The following SPOCK1 variants were observed in gnomAD, a reference collection of about 807,000 sequenced individuals.
SPOCK1 encodes testican-1.
A neutral mutation model predicts 55.3 loss-of-function variants in SPOCK1; 23 were observed. The ratio of observed to expected loss-of-function variants is 0.42; its 90% CI spans 0.30 to 0.59. SPOCK1 has a LOEUF of 0.59. Ranked by LOEUF, SPOCK1 falls within the 20% of genes least tolerant of loss-of-function variation. SPOCK1 has a pLI of 0.22. For missense variants in SPOCK1, 499 were observed against 552.5 expected (o/e 0.90, Z 0.97); for synonymous variants, 226 against 221.0 (o/e 1.02, Z -0.20).
intron 2 of SPOCK1, among the ~76,000 whole-genome samples, chr5:137,352,564 A>G (rs1580880970): frequency 6.6e-6 from 1 of 152,188 alleles, no homozygotes; most frequent in African/African-American, 2.4e-5. Flanking sequence ...GAGCTAGTAG[A>G]GTGCCTGGCA....
chr5:137,122,550 G>C (rs1264197463), intron 4 of SPOCK1, among the ~76,000 whole-genome samples: 1 of 152,150 alleles, frequency 6.6e-6, no homozygotes, highest in Non-Finnish European at 1.5e-5. Flanking sequence ...GCCCATTAAA[G>C]AGAGGTCCAT....
At position 136,978,718 on chromosome 5, in the gene SPOCK1, G is replaced by A. The variant is rs1454762975; in HGVS notation, c.1256C>T (p.Ala419Val). ...KEGKLRVHTR[A>V]VTEDDEDEDD... ...CTCATCCTCATCATCCTCTGTCACG[G>A]CTCGGGTGTGCACCCTCAGCTTCCC... Residue 419 changes from alanine (A) to valine (V), a missense_variant, in exon 11 of 11, where the codon GCC becomes GTC. Around this residue, in one of 3 missense-constraint regions of SPOCK1, gnomAD observed 83 missense variants for 87.5 expected, o/e 0.95. Transcript: ENST00000394945. 1 of 1,613,912 alleles carries A rather than the reference G, an allele frequency of 6.2e-7. No individual in the cohort carries two copies. Among genetic ancestry groups the A allele is most frequent in the East Asian group, 2.2e-5 (1 of 44,866 alleles).
intron 2 of SPOCK1, among the ~76,000 whole-genome samples, chr5:137,456,105 G>C (rs1753361437): frequency 6.6e-6 from 1 of 152,106 alleles, no homozygotes; most frequent in Non-Finnish European, 1.5e-5. Flanking sequence ...AAAGAATTCA[G>C]AGACTAATTT....
intron 2 of SPOCK1, among the ~76,000 whole-genome samples, chr5:137,378,339 A>G (rs1224685886): frequency 6.6e-6 from 1 of 152,250 alleles, no homozygotes; most frequent in Non-Finnish European, 1.5e-5. Flanking sequence ...TAGAAGAAGA[A>G]TGAAGAGAAC....
intron 2 of SPOCK1, among the ~76,000 whole-genome samples, chr5:137,423,732 G>T (rs866525026): frequency 1.3e-5 from 2 of 152,286 alleles, no homozygotes; most frequent in African/African-American, 2.4e-5. Flanking sequence ...TGTACTTCCC[G>T]GGTAAGGCGA....
In SPOCK1 at chr5:137,068,591, G is replaced by C. The variant is rs60487140; in HGVS notation, c.475-762C>G. Among the ~76,000 whole-genome samples, 118 of 152,316 alleles carry C rather than the reference G, an allele frequency of 7.7e-4. No individual in the cohort carries two copies. The East Asian group carries it at 0.019, about 24-fold the overall frequency. On this transcript the variant is annotated intron_variant, in intron 5 of 10. Transcript: ENST00000394945. The stretch of plus-strand genomic sequence containing the variant: ...GAATTCTCAGAACACAGGCAGGAGA[G>C]AGGAATGTTATTAATAGGTGCAAAA...
intron 4 of SPOCK1, among the ~76,000 whole-genome samples, chr5:137,124,981 T>C (rs1470050980): frequency 1.3e-5 from 2 of 152,210 alleles, no homozygotes; most frequent in African/African-American, 4.8e-5. Context: ...GGGAGTTTCA[T>C]AGACACATTC....
rs184244971 is a variant in SPOCK1, at chr5:137,399,991, C to T, written c.186+98382G>A. ...CTTGCTATCTCTGAGGTCAACATTTCCTGAAAATAAACAGAATTGCTATTT... is the reference window on the plus strand; with the variant it reads ...CTTGCTATCTCTGAGGTCAACATTTTCTGAAAATAAACAGAATTGCTATTT... On this transcript the variant is annotated intron_variant, in intron 2 of 10. Transcript: ENST00000394945. Among the ~76,000 whole-genome samples the T allele has an allele frequency of 9.3e-4, 141 of 152,212 alleles. 1 individual carries two copies. The highest frequency in any genetic ancestry group is 2.5e-3 in the Admixed American group (38 of 15,282).
intron 6 of SPOCK1, among the ~76,000 whole-genome samples, chr5:137,024,321 G>GGGT (rs537253952): frequency 5.5e-5 from 8 of 146,646 alleles, no homozygotes; most frequent in East Asian, 2.1e-4. Flanking sequence ...TGAAGGGGGG[G>GGGT]GGGTAGTTAC....
rs139049723 is a variant in SPOCK1, at chr5:137,323,558, G to GA, written c.187-56504dup. 4.0e-3 allele frequency among the ~76,000 whole-genome samples: 585 copies of GA among 145,006 alleles called. 10 individuals are homozygous for GA. The highest frequency in any genetic ancestry group is 0.014 in the Middle Eastern group (4 of 284). On this transcript the variant is annotated intron_variant, in intron 2 of 10. Transcript: ENST00000394945. ...ACATGACATGGGCTCAACAGAAGGG[G>GA]AAAAAAAAAATAACAAGCCATACTT... is the stretch of plus-strand genomic sequence containing the variant.
intron 5 of SPOCK1, among the ~76,000 whole-genome samples, chr5:137,102,905 CGTT>C (rs754361337): frequency 2.6e-5 from 4 of 152,020 alleles, no homozygotes; most frequent in African/African-American, 7.2e-5. Context: ...GTTTTTCTGT[CGTT>C]ATTATTATTT....
At chr5:137,052,711 A>G (rs1263626277) in intron 6 of SPOCK1, among the ~76,000 whole-genome samples, 1 of 152,220 alleles carries the variant, frequency 6.6e-6, no homozygotes, top group Non-Finnish European at 1.5e-5. Flanking sequence ...ATCAGTTTTT[A>G]AAAGAATAAT....
At chr5:137,172,711 C>A (rs1405830265) in intron 3 of SPOCK1, among the ~76,000 whole-genome samples, 1 of 152,112 alleles carries the variant, frequency 6.6e-6, no homozygotes, top group Non-Finnish European at 1.5e-5. Flanking sequence ...TAATACACTC[C>A]TTACCCCAGG....
chr5:137,164,459 A>C (rs6859738), intron 3 of SPOCK1, among the ~76,000 whole-genome samples: 25,234 of 152,134 alleles, frequency 0.17, 2,216 homozygotes, highest in East Asian at 0.33. Flanking sequence ...GTAGCTCACT[A>C]TGGGCCTTAG....
At chr5:137,466,092 A>G (rs1753614781) in intron 2 of SPOCK1, among the ~76,000 whole-genome samples, 1 of 152,250 alleles carries the variant, frequency 6.6e-6, no homozygotes, top group African/African-American at 2.4e-5. Context: ...GACAAATCAG[A>G]GTCATGTGGT....
chr5:137,276,636 C>T (rs1757073050), intron 2 of SPOCK1, among the ~76,000 whole-genome samples: 1 of 152,224 alleles, frequency 6.6e-6, no homozygotes, highest in Non-Finnish European at 1.5e-5. Flanking sequence ...ACTGCAGCTC[C>T]ACAACTTCTT....
At chr5:137,467,716 G>C in intron 2 of SPOCK1, among the ~76,000 whole-genome samples, 1 of 152,244 alleles carries the variant, frequency 6.6e-6, no homozygotes. Context: ...GGGCAGGGCC[G>C]GTAAAGAGAC....
intron 3 of SPOCK1, among the ~76,000 whole-genome samples, chr5:137,219,186 G>A (rs1755798554): frequency 6.6e-6 from 1 of 152,172 alleles, no homozygotes; most frequent in Non-Finnish European, 1.5e-5. Flanking sequence ...TGTGTTCTTT[G>A]TGTGAACCTG....
intron 4 of SPOCK1, among the ~76,000 whole-genome samples, chr5:137,136,233 C>G (rs1223701223): frequency 6.6e-6 from 1 of 152,076 alleles, no homozygotes; most frequent in Non-Finnish European, 1.5e-5. Context: ...AAAGCCTAAG[C>G]TCTTATATTT....
Sources: allele counts gnomAD v4.1 joint callset (sites outside exome capture counted in the v4.1 genomes callset), GRCh38; gene constraint gnomAD v4.1.1; regional missense constraint gnomAD v4.1.1; transcripts MANE v1.5; gene names NCBI Gene and HGNC (gene_info 2026-07-23, HGNC 2026-07-21).